Variants in ADGRB3 observed in about 807,000 individuals in gnomAD.
ADGRB3 encodes the protein brain-specific angiogenesis inhibitor 3.
ADGRB3 carries 37 observed loss-of-function variants against 193.4 expected under a neutral mutation model. The observed-to-expected ratio is 0.19, with a 90% confidence interval of 0.15 to 0.25. ADGRB3 has a LOEUF of 0.25. Among genes scored for constraint, ADGRB3 ranks in the 10% least tolerant of loss-of-function variants. ADGRB3 has a pLI of 1.00. For synonymous variants in ADGRB3, 690 were observed against 644.2 expected, an observed-to-expected ratio of 1.07 and a Z score of -1.08; for missense variants, 1,637 against 1,852.9, an observed-to-expected ratio of 0.88 and a Z score of 2.14.
At chr6:69,343,830 T>A (rs1241311234) in intron 26 of ADGRB3, among the ~76,000 whole-genome samples, 1 of 152,186 alleles carries the variant, frequency 6.6e-6, no homozygotes, top group Non-Finnish European at 1.5e-5. Context: ...TAACAGCTAA[T>A]AAGACAGAAT....
intron 16 of ADGRB3, among the ~76,000 whole-genome samples, chr6:69,063,422 T>G (rs1771808671): frequency 1.3e-5 from 2 of 152,070 alleles, no homozygotes; most frequent in African/African-American, 4.8e-5. Flanking sequence ...GTAGTGGTGC[T>G]TACATGGTAG....
At chr6:68,807,430 C>T (rs1198731445) in intron 3 of ADGRB3, among the ~76,000 whole-genome samples, 2 of 151,462 alleles carry the variant, frequency 1.3e-5, no homozygotes, top group African/African-American at 2.4e-5. Context: ...TTAGTAGAGA[C>T]GGGGTTTCAC....
At chr6:68,737,300 G>A (rs1765891031) in intron 3 of ADGRB3, among the ~76,000 whole-genome samples, 1 of 151,942 alleles carries the variant, frequency 6.6e-6, no homozygotes, top group African/African-American at 2.4e-5. Context: ...TATTTAGTAG[G>A]GAAAAAAGAC....
At chr6:68,870,193 G>T (rs1350438081) in intron 3 of ADGRB3, among the ~76,000 whole-genome samples, 1 of 152,226 alleles carries the variant, frequency 6.6e-6, no homozygotes, top group African/African-American at 2.4e-5. Flanking sequence ...TTCGCATGAA[G>T]ACTGGCTGTT....
At chr6:69,001,627 G>T (rs1248366850) in intron 11 of ADGRB3, among the ~76,000 whole-genome samples, 1 of 152,116 alleles carries the variant, frequency 6.6e-6, no homozygotes, top group Non-Finnish European at 1.5e-5. Context: ...TTCATGGAAG[G>T]AAAGAAAGGC....
intron 3 of ADGRB3, among the ~76,000 whole-genome samples, chr6:68,852,517 T>C (rs1768425404): frequency 6.6e-6 from 1 of 152,002 alleles, no homozygotes; most frequent in Non-Finnish European, 1.5e-5. Flanking sequence ...ACTTTAGCTA[T>C]AGCTGAAAAG....
At chr6:69,372,751 G>A (rs969468392) in intron 30 of ADGRB3, among the ~76,000 whole-genome samples, 5 of 152,016 alleles carry the variant, frequency 3.3e-5, no homozygotes, top group African/African-American at 1.2e-4. Context: ...GAGGGGGAAT[G>A]TCAGCTTCCT....
At chr6:69,292,000 C>A (rs1432958994) in intron 20 of ADGRB3, among the ~76,000 whole-genome samples, 2 of 152,048 alleles carry the variant, frequency 1.3e-5, no homozygotes, top group African/African-American at 4.8e-5. Context: ...TCTGAAAAAA[C>A]AAGCCTTGCC....
At chr6:68,790,533 C>T (rs752951122) in intron 3 of ADGRB3, among the ~76,000 whole-genome samples, 7 of 152,270 alleles carry the variant, frequency 4.6e-5, no homozygotes, top group Admixed American at 2.6e-4. Flanking sequence ...CTGGGAGGCA[C>T]CCCCGAGTAG....
chr6:69,051,931 G>A (rs555080574), intron 15 of ADGRB3, among the ~76,000 whole-genome samples: 2 of 152,200 alleles, frequency 1.3e-5, no homozygotes, highest in African/African-American at 4.8e-5. Flanking sequence ...GTCTCGCTCT[G>A]TTGCCCAGGC....
intron 27 of ADGRB3, 59 bp downstream of exon 27, chr6:69,354,387 G>T: frequency 7.0e-7 from 1 of 1,428,218 alleles, no homozygotes; most frequent in Non-Finnish European, 9.9e-7. Flanking sequence ...GGGAATAAAA[G>T]AAATCCTTAT....
chr6:68,667,572 G>T (rs1406458394), intron 3 of ADGRB3, among the ~76,000 whole-genome samples: 1 of 151,880 alleles, frequency 6.6e-6, no homozygotes, highest in Non-Finnish European at 1.5e-5. Context: ...ATAATAAATA[G>T]TTCATTCATA....
chr6:68,695,500 T>A (rs1194183443), intron 3 of ADGRB3, among the ~76,000 whole-genome samples: 2 of 152,014 alleles, frequency 1.3e-5, no homozygotes, highest in Non-Finnish European at 2.9e-5. Flanking sequence ...TCTCTTATGC[T>A]AGTGTTTGCT....
intron 3 of ADGRB3, among the ~76,000 whole-genome samples, chr6:68,815,988 A>G (rs1014497165): frequency 2.0e-5 from 3 of 152,030 alleles, no homozygotes; most frequent in Admixed American, 1.3e-4. Flanking sequence ...TTTAGTTTTC[A>G]AAGGTCCCAA....
rs1392308592 is a variant in ADGRB3, at chr6:68,956,187, A to G, written c.1359A>G (p.Thr453=). The G allele has an allele frequency of 6.2e-7, 1 of 1,604,452 alleles. No individual in the cohort carries two copies. The highest frequency in any genetic ancestry group is 1.7e-5 in the Admixed American group (1 of 58,972). The change falls in exon 7 of 32, where the codon ACA becomes ACG. Residue 453 remains threonine (T), a splice_region_variant and synonymous_variant. Transcript: ENST00000370598. ...GAGAGTGCTATAACCCTGAATGTAC[A>G]GGTAGGGCTTGATTCCTGCATATCA... ...ESRECYNPEC[T]ANGQWNQWGH... is the part of the protein sequence containing the mutation.
chr6:68,929,687 A>G (rs1767284054), intron 3 of ADGRB3, among the ~76,000 whole-genome samples: 1 of 152,170 alleles, frequency 6.6e-6, no homozygotes. Context: ...TGATTTTAGT[A>G]AAACCACTTT....
At chr6:68,736,837 G>A (rs1765882192) in intron 3 of ADGRB3, among the ~76,000 whole-genome samples, 1 of 151,776 alleles carries the variant, frequency 6.6e-6, no homozygotes, top group Admixed American at 6.6e-5. Flanking sequence ...TAGAAGCTGG[G>A]TCACTAATAA....
chr6:68,712,323 G>A (rs948957452), intron 3 of ADGRB3, among the ~76,000 whole-genome samples: 2 of 151,892 alleles, frequency 1.3e-5, no homozygotes, highest in Non-Finnish European at 2.9e-5. Flanking sequence ...GGTCTTGATC[G>A]ACACCACAGG....
At chr6:68,723,700 TTAGTA>T (rs1321383618) in intron 3 of ADGRB3, among the ~76,000 whole-genome samples, 3 of 151,738 alleles carry the variant, frequency 2.0e-5, no homozygotes, top group Admixed American at 6.6e-5. Flanking sequence ...GTTTCAAATA[TTAGTA>T]TTTACTATTT....
Sources: allele counts gnomAD v4.1 joint callset (sites outside exome capture counted in the v4.1 genomes callset), GRCh38; gene constraint gnomAD v4.1.1; transcripts MANE v1.5; gene names NCBI Gene and HGNC (gene_info 2026-07-23, HGNC 2026-07-21).